Variants in ZNF718 observed in about 807,000 individuals in gnomAD.
ZNF718 encodes zinc finger protein 718.
In ZNF718, 3 loss-of-function variants were observed where a neutral mutation model predicts 2.6. The ratio of observed to expected loss-of-function variants is 1.16; its 90% CI spans 0.53 to 3.01. The LOEUF (loss-of-function observed/expected upper bound fraction) is 3.01. Ranked by LOEUF, ZNF718 falls within the 30% of genes most tolerant of loss-of-function variation. The pLI, the probability that ZNF718 is intolerant of heterozygous loss-of-function variation, is 0.03. For synonymous variants in ZNF718, 135 were observed against 77.9 expected (o/e 1.73, Z -3.86); for missense variants, 468 against 230.0 (o/e 2.03, Z -6.69).
chr4:132,394 T>C (rs1715371752), intron 3 of ZNF718, among the ~76,000 whole-genome samples: 1 of 104,696 alleles, frequency 9.6e-6, no homozygotes, highest in South Asian at 2.9e-4. Flanking sequence ...CAGTGTCCAC[T>C]TTATCACTTA....
At position 161,544 on chromosome 4, in the gene ZNF718, G is replaced by A. The variant is rs782215829; in HGVS notation, c.859G>A (p.Glu287Lys). 6.4e-6 allele frequency: 5 copies of A among 780,726 alleles called. No individual in the cohort carries two copies. The highest frequency in any genetic ancestry group is 1.2e-5 in the Non-Finnish European group (5 of 418,000). The allele number at this position is 780,726 out of a possible 1,614,324, so 48.4% of individuals were successfully genotyped here. A position where few individuals can be genotyped will look rare whatever the true frequency, so the allele number is the denominator to read the frequency against. The part of the protein sequence containing the change: ...HSAQKYYKCE[E>K]CGKAFKWSSS... The stretch of plus-strand genomic sequence containing the variant: ...TGCACAAAAATACTACAAATGTGAA[G>A]AATGTGGTAAAGCCTTTAAGTGGTC... The change falls in exon 4 of 4, where the codon GAA (glutamate) becomes AAA (lysine). Residue 287 changes from glutamate to lysine, a missense_variant. Glu to Lys is a moderately conservative substitution (Grantham distance 56, BLOSUM62 1). Coordinates refer to ENST00000510175, the MANE Select transcript of ZNF718 (RefSeq NM_001039127.6).
At chr4:155,880 A>G (rs1382130949) in intron 3 of ZNF718, among the ~76,000 whole-genome samples, 3 of 152,200 alleles carry the variant, frequency 2.0e-5, no homozygotes, top group Non-Finnish European at 4.4e-5. Flanking sequence ...TATAGCTCCC[A>G]TAATTCCCAT....
At chr4:125,914 A>G (rs1191180056) in intron 1 of ZNF718, among the ~76,000 whole-genome samples, 1 of 152,158 alleles carries the variant, frequency 6.6e-6, no homozygotes, top group Non-Finnish European at 1.5e-5. Context: ...TCTCAACCCC[A>G]GATCTGTTTA....
chr4:160,832 T>G, intron 3 of ZNF718, 80 bp from the exon 4 acceptor site: 52 of 662,812 alleles, frequency 7.8e-5, no homozygotes, highest in East Asian at 2.5e-4. Context: ...ATTACTGGCT[T>G]GAGCTATAGT....
At chr4:190,373 T>G (rs1717667262) in intron 3 of ZNF718, among the ~76,000 whole-genome samples, 3 of 146,356 alleles carry the variant, frequency 2.0e-5, no homozygotes, top group Non-Finnish European at 3.0e-5. Context: ...GAGCTTGCAG[T>G]GAGCTGAGAT....
intron 3 of ZNF718, among the ~76,000 whole-genome samples, chr4:199,758 T>A (rs1376161892): frequency 6.6e-6 from 1 of 152,216 alleles, no homozygotes; most frequent in Non-Finnish European, 1.5e-5. Flanking sequence ...ATTTTTCTCT[T>A]CTTGGTCATC....
intron 3 of ZNF718, among the ~76,000 whole-genome samples, chr4:179,394 G>A (rs189733172): frequency 6.6e-6 from 1 of 152,140 alleles, no homozygotes; most frequent in African/African-American, 2.4e-5. Flanking sequence ...ATGAATTTTA[G>A]GATTTTATCA....
At chr4:185,882 G>T (rs1717557186) in intron 3 of ZNF718, among the ~76,000 whole-genome samples, 1 of 152,074 alleles carries the variant, frequency 6.6e-6, no homozygotes, top group Non-Finnish European at 1.5e-5. Context: ...TTGAGCCTAT[G>T]TGTGTCTTTG....
At chr4:124,952 T>G in intron 1 of ZNF718, 1 of 385,652 alleles carries the variant, frequency 2.6e-6, no homozygotes, top group Non-Finnish European at 4.8e-6. Context: ...GCCTGCGCGG[T>G]GCCGGCGTGG....
intron 3 of ZNF718, among the ~76,000 whole-genome samples, chr4:185,195 A>G (rs1553820331): frequency 6.6e-6 from 1 of 152,028 alleles, no homozygotes; most frequent in Non-Finnish European, 1.5e-5. Context: ...ATTCTGGTAC[A>G]TTGTCTCTTT....
chr4:173,809 C>T (rs948321320), intron 3 of ZNF718, among the ~76,000 whole-genome samples: 2 of 152,022 alleles, frequency 1.3e-5, no homozygotes, highest in South Asian at 4.2e-4. Context: ...TTTGGCTGAG[C>T]GAGGGATGAA....
chr4:156,111 C>A (rs889559441), intron 3 of ZNF718, among the ~76,000 whole-genome samples: 3 of 152,132 alleles, frequency 2.0e-5, no homozygotes, highest in African/African-American at 7.2e-5. Flanking sequence ...ACATGTGAGT[C>A]CATTAAACCT....
chr4:196,058 C>A (rs1340012903), intron 3 of ZNF718, among the ~76,000 whole-genome samples: 2 of 152,018 alleles, frequency 1.3e-5, no homozygotes, highest in Non-Finnish European at 2.9e-5. Flanking sequence ...TTTTTCCTCT[C>A]TCTCTCTAAC....
At chr4:200,017 G>A (rs999095417) in intron 3 of ZNF718, among the ~76,000 whole-genome samples, 1 of 152,108 alleles carries the variant, frequency 6.6e-6, no homozygotes, top group African/African-American at 2.4e-5. Context: ...ATTTCTTTTT[G>A]CAAAATCTGT....
At chr4:189,665 A>G (rs77061989) in intron 3 of ZNF718, among the ~76,000 whole-genome samples, 3,534 of 152,316 alleles carry the variant, frequency 0.023, 71 homozygotes, top group Middle Eastern at 0.061. Context: ...AGTGTTAAAC[A>G]GAGTGGAAGA....
Position 128,259 on chromosome 4 carries a change from T to G in ZNF718, c.4-2529T>G, listed in dbSNP as rs1715280348. 1.9e-5 allele frequency among the ~76,000 whole-genome samples: 2 copies of G among 103,886 alleles called. 1 individual carries two copies. Among genetic ancestry groups the G allele is most frequent in the African/African-American group, 6.7e-5 (2 of 29,956 alleles). 68.2% of individuals were successfully genotyped at this position (103,886 alleles called of 152,430 possible). On this transcript the variant is annotated intron_variant, in intron 1 of 3. Coordinates refer to ENST00000510175, the MANE Select transcript of ZNF718 (RefSeq NM_001039127.6). ...ATCATGAGAGGTCAATGTAGACATCTTAAGCCCCATTTTTAGAGTGGGGCC... is the reference window on the plus strand; with the variant it reads ...ATCATGAGAGGTCAATGTAGACATCGTAAGCCCCATTTTTAGAGTGGGGCC...
chr4:161,722 A>C lies in ZNF718; in HGVS notation c.1037A>C (p.Lys346Thr). ...CCCTACAAATGTGAAGAATGTGGAA[A>C]ATCCTTTAATAGGTCCACAACTCTT... is the stretch of plus-strand genomic sequence containing the variant. ...EKPYKCEECG[K>T]SFNRSTTLTT... The change falls in exon 4 of 4, where the codon AAA becomes ACA. Residue 346 changes from lysine to threonine, a missense_variant. Coordinates refer to ENST00000510175, the MANE Select transcript of ZNF718 (RefSeq NM_001039127.6). 1 of 779,398 alleles carries C rather than the reference A, an allele frequency of 1.3e-6. No homozygotes were observed. Among genetic ancestry groups the C allele is most frequent in the Non-Finnish European group, 2.4e-6 (1 of 417,274 alleles). 48.3% of individuals were successfully genotyped at this position (779,398 alleles called of 1,614,324 possible).
chr4:126,175 T>C (rs182645726), intron 1 of ZNF718, among the ~76,000 whole-genome samples: 2 of 152,326 alleles, frequency 1.3e-5, no homozygotes, highest in East Asian at 1.9e-4. Context: ...GTTCATCCCT[T>C]ACGTGCCTAC....
intron 3 of ZNF718, among the ~76,000 whole-genome samples, chr4:172,331 G>T (rs1022268715): frequency 6.6e-6 from 1 of 152,052 alleles, no homozygotes; most frequent in South Asian, 2.1e-4. Flanking sequence ...ATTTCATTGT[G>T]TGTAAACACA....
Sources: allele counts gnomAD v4.1 joint callset (sites outside exome capture counted in the v4.1 genomes callset), GRCh38; gene constraint gnomAD v4.1.1; transcripts MANE v1.5; gene names NCBI Gene and HGNC (gene_info 2026-07-23, HGNC 2026-07-21).